The following WSCD1 variants were observed in gnomAD, a reference collection of about 807,000 sequenced individuals.
WSCD1 encodes WSC domain sialate O sulfotransferase 1.
In WSCD1, 41 loss-of-function variants were observed where a neutral mutation model predicts 60.4. The ratio of observed to expected loss-of-function variants is 0.68; its 90% CI spans 0.53 to 0.88. The LOEUF (loss-of-function observed/expected upper bound fraction) is 0.88. Ranked by LOEUF, WSCD1 falls within the 40% of genes least tolerant of loss-of-function variation. WSCD1 has a pLI of 0.00. For missense variants in WSCD1, 784 were observed against 796.2 expected (o/e 0.98, Z 0.18); for synonymous variants, 361 against 332.5 (o/e 1.09, Z -0.93).
intron 5 of WSCD1, among the ~76,000 whole-genome samples, chr17:6,102,019 C>G (rs1328968407): frequency 1.3e-5 from 2 of 152,204 alleles, no homozygotes; most frequent in Non-Finnish European, 2.9e-5. Context: ...GTTAGTGATT[C>G]TACTGATAAA....
chr17:6,097,642 T>C (rs1343849027), intron 5 of WSCD1, among the ~76,000 whole-genome samples: 1 of 152,244 alleles, frequency 6.6e-6, no homozygotes, highest in Non-Finnish European at 1.5e-5. Flanking sequence ...TCACAAACGA[T>C]GCGGCAGTGA....
intron 1 of WSCD1, among the ~76,000 whole-genome samples, chr17:6,070,943 T>G (rs1489975868): frequency 6.6e-6 from 1 of 151,244 alleles, no homozygotes; most frequent in Admixed American, 6.6e-5. Flanking sequence ...ACGAGCCGCG[T>G]CCCCCTCCGG....
At chr17:6,094,685 G>T (rs35995143) in intron 4 of WSCD1, among the ~76,000 whole-genome samples, 38,474 of 145,526 alleles carry the variant, frequency 0.26, 5,188 homozygotes, top group African/African-American at 0.38. Flanking sequence ...AGAGAGGGAA[G>T]GAAGGAAGGA....
At chr17:6,099,326 C>G (rs188195128) in intron 5 of WSCD1, among the ~76,000 whole-genome samples, 1 of 152,024 alleles carries the variant, frequency 6.6e-6, no homozygotes, top group Admixed American at 6.5e-5. Flanking sequence ...ACCATCCTGG[C>G]CAACATGGTG....
chr17:6,116,708 G>A (rs1044146277), intron 7 of WSCD1, among the ~76,000 whole-genome samples: 2 of 152,214 alleles, frequency 1.3e-5, no homozygotes, highest in Non-Finnish European at 2.9e-5. Context: ...AGTTTCAGTG[G>A]GTAAACCCGG....
At chr17:6,111,317 T>C (rs934005894) in intron 7 of WSCD1, among the ~76,000 whole-genome samples, 1 of 152,002 alleles carries the variant, frequency 6.6e-6, no homozygotes, top group African/African-American at 2.4e-5. Context: ...CTAGAAAAAG[T>C]CTTTTCCTAT....
intron 5 of WSCD1, among the ~76,000 whole-genome samples, chr17:6,104,035 A>G (rs542448421): frequency 9.2e-5 from 14 of 152,350 alleles, no homozygotes; most frequent in African/African-American, 2.4e-4. Context: ...TGCAAGTTGC[A>G]TAAGTATGGC....
At position 6,095,187 on chromosome 17, in the gene WSCD1, G is replaced by A; in HGVS notation, c.813G>A (p.Val271=). ...AFPSSLIQAN[V]TVGTCSGFCS... ...CCAGCTCCCTGATACAGGCCAATGTGACCGTGGGGACTTGCTCGGGCTTTT... is the reference window on the plus strand; with the variant it reads ...CCAGCTCCCTGATACAGGCCAATGTAACCGTGGGGACTTGCTCGGGCTTTT... Residue 271 remains valine (V), a synonymous_variant, in exon 5 of 9, where the codon GTG becomes GTA. Coordinates refer to ENST00000317744, the MANE Select transcript of WSCD1 (RefSeq NM_015253.2). 6.2e-7 allele frequency: 1 copy of A among 1,613,620 alleles called. No homozygotes were observed. Among genetic ancestry groups the A allele is most frequent in the Non-Finnish European group, 8.5e-7 (1 of 1,179,788 alleles).
At chr17:6,105,788 G>A (rs1911053448) in intron 5 of WSCD1, among the ~76,000 whole-genome samples, 1 of 152,198 alleles carries the variant, frequency 6.6e-6, no homozygotes, top group Admixed American at 6.5e-5. Flanking sequence ...GAGCCAGCGT[G>A]CCTTGAGTAG....
At chr17:6,082,643 C>T (rs1291277679) in intron 2 of WSCD1, among the ~76,000 whole-genome samples, 1 of 152,170 alleles carries the variant, frequency 6.6e-6, no homozygotes, top group East Asian at 1.9e-4. Flanking sequence ...CAGTCAGCTT[C>T]TCAGCATCCC....
intron 5 of WSCD1, among the ~76,000 whole-genome samples, chr17:6,108,798 A>G (rs1682627819): frequency 6.6e-6 from 1 of 152,192 alleles, no homozygotes; most frequent in Non-Finnish European, 1.5e-5. Context: ...AGCCTCCCCA[A>G]AGGGGAACAA....
intron 5 of WSCD1, among the ~76,000 whole-genome samples, chr17:6,106,802 C>A (rs117174530): frequency 6.6e-6 from 1 of 151,918 alleles, no homozygotes; most frequent in Non-Finnish European, 1.5e-5. Context: ...CAGGGAAGGC[C>A]CCACAGAGAA....
rs927446128 is a variant in WSCD1, at chr17:6,121,806, G to T, written c.*1145G>T. The T allele has an allele frequency of 1.3e-5, 2 of 152,300 alleles. No individual in the cohort carries two copies. Among genetic ancestry groups the T allele is most frequent in the African/African-American group, 4.8e-5 (2 of 41,442 alleles). 9.4% of individuals were successfully genotyped at this position (152,300 alleles called of 1,614,324 possible). A position where few individuals can be genotyped will look rare whatever the true frequency, so the allele number is the denominator to read the frequency against. On this transcript the variant is annotated 3_prime_UTR_variant, in exon 9 of 9. Coordinates refer to ENST00000317744, the MANE Select transcript of WSCD1 (RefSeq NM_015253.2). ...GTCTGGTCCTGCCAGCCTGGGATGGGGGTCAATGTATGCTACACATCTTGG... is the reference window on the plus strand; with the variant it reads ...GTCTGGTCCTGCCAGCCTGGGATGGTGGTCAATGTATGCTACACATCTTGG...
At position 6,120,333 on chromosome 17, in the gene WSCD1, A is replaced by G. The variant is rs760751279; in HGVS notation, c.1400A>G (p.Tyr467Cys). The change falls in exon 9 of 9, where the codon TAC (tyrosine) becomes TGC (cysteine). Residue 467 changes from tyrosine (Y) to cysteine (C), a missense_variant. Physicochemically the swap from Tyr to Cys is radical, Grantham distance 194. Transcript: ENST00000317744. ...SKEWPDFVNS[Y>C]ASWWSSHVLD... is the part of the protein sequence containing the mutation. ...GAGTGGCCGGACTTTGTCAACAGCT[A>G]CGCCTCGTGGTGGTCCTCGCACGTC... 2 of 1,613,874 alleles carry G rather than the reference A, an allele frequency of 1.2e-6. No individual in the cohort carries two copies. Among genetic ancestry groups the G allele is most frequent in the Non-Finnish European group, 1.7e-6 (2 of 1,179,914 alleles).
chr17:6,086,780 G>A (rs1031544624), intron 2 of WSCD1, among the ~76,000 whole-genome samples: 1 of 152,120 alleles, frequency 6.6e-6, no homozygotes, highest in Admixed American at 6.5e-5. Context: ...TCCCCCAGCC[G>A]CTGCCCTGGA....
intron 5 of WSCD1, among the ~76,000 whole-genome samples, chr17:6,104,001 A>G (rs1476297579): frequency 6.6e-6 from 1 of 152,218 alleles, no homozygotes; most frequent in Non-Finnish European, 1.5e-5. Flanking sequence ...TATAAAGAAA[A>G]GAGGCTTATT....
rs1452348982 is a variant in WSCD1 at position 6,101,052 on chromosome 17, A to C, written c.849+5829A>C. ...GAATGGTATCCTCTCTTCCCTCCTG[A>C]ATGTTGAGGGTGGCGAGAGAGGTGA... On this transcript the variant is annotated intron_variant, in intron 5 of 8. Coordinates refer to ENST00000317744, the MANE Select transcript of WSCD1 (RefSeq NM_015253.2). The surrounding 1 kb of genome is among the most constrained non-coding windows in gnomAD (Gnocchi z 4.1). Among the ~76,000 whole-genome samples the C allele has an allele frequency of 2.0e-5, 3 of 152,066 alleles. No homozygotes were observed. Among genetic ancestry groups the C allele is most frequent in the African/African-American group, 7.2e-5 (3 of 41,406 alleles).
intron 4 of WSCD1, among the ~76,000 whole-genome samples, chr17:6,093,742 TC>T (rs1720759076): frequency 6.6e-6 from 1 of 152,214 alleles, no homozygotes; most frequent in African/African-American, 2.4e-5. Context: ...ACATTGTTCC[TC>T]ATGACAACCC....
upstream of WSCD1, chr17:6,069,264 C>T (rs1041908312): frequency 1.4e-4 from 56 of 398,698 alleles, no homozygotes; most frequent in Admixed American, 9.3e-4. Flanking sequence ...TGTGACTTGG[C>T]GGCTTTGGGG....
Sources: allele counts gnomAD v4.1 joint callset (sites outside exome capture counted in the v4.1 genomes callset), GRCh38; gene constraint gnomAD v4.1.1; non-coding constraint Gnocchi (gnomAD v3.1); transcripts MANE v1.5; gene names NCBI Gene and HGNC (gene_info 2026-07-23, HGNC 2026-07-21).